Variants in IMMP2L observed in about 807,000 individuals in gnomAD.
IMMP2L encodes inner mitochondrial membrane peptidase subunit 2, also known as mitochondrial inner membrane protease subunit 2.
In IMMP2L, 18 loss-of-function variants were observed where a neutral mutation model predicts 19.3. That is an observed-to-expected ratio of 0.93 (90% CI 0.64 to 1.38). IMMP2L has a LOEUF of 1.38. Among genes scored for constraint, IMMP2L ranks in the 40% most tolerant of loss-of-function variants. The pLI is 0.00. For missense variants in IMMP2L, 233 were observed against 218.2 expected (o/e 1.07, Z -0.43); for synonymous variants, 76 against 73.0 (o/e 1.04, Z -0.21).
rs181216408 is a variant in IMMP2L, at chr7:110,810,776, C to T, written c.408+75817G>A. Among the ~76,000 whole-genome samples the T allele has an allele frequency of 3.3e-5, 5 of 152,088 alleles. No individual in the cohort carries two copies. In the East Asian group the frequency reaches 5.8e-4, roughly 18 times the overall value. ...AGTGATTAATTATAATAAACAATAC[C>T]TGAATTTGTGAAGTAGTTTGTACTG... On this transcript the variant is annotated intron_variant, in intron 5 of 5. Transcript: ENST00000405709.
chr7:111,334,026 G>A (rs10249674), intron 3 of IMMP2L, among the ~76,000 whole-genome samples: 3,958 of 152,052 alleles, frequency 0.026, 176 homozygotes, highest in African/African-American at 0.09. Flanking sequence ...CTTAGGTGAA[G>A]GGGTAAATAC....
intron 3 of IMMP2L, among the ~76,000 whole-genome samples, chr7:111,294,268 T>C (rs191319034): frequency 1.3e-5 from 2 of 152,034 alleles, no homozygotes; most frequent in East Asian, 3.9e-4. Context: ...AGGCATAATT[T>C]ACTTTGAGTT....
chr7:111,454,099 C>T (rs1839467776), intron 3 of IMMP2L, among the ~76,000 whole-genome samples: 2 of 152,078 alleles, frequency 1.3e-5, no homozygotes, highest in South Asian at 2.1e-4. Context: ...GAATTGAAAC[C>T]ATATAAAAAA....
At chr7:111,420,310 T>C (rs989372751) in intron 3 of IMMP2L, among the ~76,000 whole-genome samples, 3 of 151,766 alleles carry the variant, frequency 2.0e-5, no homozygotes, top group Admixed American at 6.6e-5. Flanking sequence ...ACCACACAAA[T>C]TGAGAGATCA....
At chr7:111,137,766 A>G (rs1393265974) in intron 3 of IMMP2L, among the ~76,000 whole-genome samples, 1 of 152,220 alleles carries the variant, frequency 6.6e-6, no homozygotes, top group African/African-American at 2.4e-5. Flanking sequence ...ATGATTTAAG[A>G]AATTATACTT....
At chr7:111,320,408 A>G (rs1022600486) in intron 3 of IMMP2L, among the ~76,000 whole-genome samples, 7 of 152,014 alleles carry the variant, frequency 4.6e-5, no homozygotes, top group Admixed American at 2.6e-4. Context: ...CAGCCCATAT[A>G]ATTTCTGACC....
At chr7:110,868,193 G>A (rs1043174231) in intron 5 of IMMP2L, among the ~76,000 whole-genome samples, 1 of 146,818 alleles carries the variant, frequency 6.8e-6, no homozygotes, top group Non-Finnish European at 1.5e-5. Context: ...TGACGTATTA[G>A]ATGAGCAAGA....
intron 2 of IMMP2L, among the ~76,000 whole-genome samples, chr7:111,511,148 C>G (rs1263283960): frequency 6.6e-6 from 1 of 152,074 alleles, no homozygotes; most frequent in Non-Finnish European, 1.5e-5. Flanking sequence ...AGTCATCCCT[C>G]TTACAACTAA....
Position 110,696,416 on chromosome 7 carries a change from C to G in IMMP2L, c.409-32695G>C, listed in dbSNP as rs1295653930. Among the ~76,000 whole-genome samples the G allele has an allele frequency of 3.9e-5, 5 of 129,438 alleles. No individual in the cohort carries two copies. In the East Asian group the frequency reaches 1.3e-3, roughly 34 times the overall value. 84.9% of individuals were successfully genotyped at this position (129,438 alleles called of 152,430 possible). A position where few individuals can be genotyped will look rare whatever the true frequency, so the allele number is the denominator to read the frequency against. ...GAATAAGTATCTGCACTGAGACATT[C>G]CTTTTTCTCTTTTTTTTTTTTTTTT... is the stretch of plus-strand genomic sequence containing the variant. On this transcript the variant is annotated intron_variant, in intron 5 of 5. Coordinates refer to ENST00000405709, the MANE Select transcript of IMMP2L (RefSeq NM_032549.4).
At chr7:111,199,326 A>C (rs1210041053) in intron 3 of IMMP2L, among the ~76,000 whole-genome samples, 1 of 152,170 alleles carries the variant, frequency 6.6e-6, no homozygotes, top group African/African-American at 2.4e-5. Context: ...ACAACCTGTC[A>C]GTTCCCTGTA....
At chr7:110,860,940 G>T (rs563928399) in intron 5 of IMMP2L, among the ~76,000 whole-genome samples, 1 of 151,982 alleles carries the variant, frequency 6.6e-6, no homozygotes, top group African/African-American at 2.4e-5. Flanking sequence ...GGATAAAAAT[G>T]TATGTAATGA....
chr7:111,249,483 C>T (rs571257483), intron 3 of IMMP2L, among the ~76,000 whole-genome samples: 20 of 151,710 alleles, frequency 1.3e-4, no homozygotes, highest in East Asian at 7.8e-4. Flanking sequence ...CCGTCTTCTG[C>T]GTCGCTCACG....
rs1041772661 is a variant in IMMP2L, at chr7:110,803,015, A to G, written c.408+83578T>C. On this transcript the variant is annotated intron_variant, in intron 5 of 5. Transcript: ENST00000405709. The surrounding 1 kb of genome is among the most constrained non-coding windows in gnomAD (Gnocchi z 4.2). ...TAAAATAGAAATATGCAAAAGAAGT[A>G]GAGATTATAAACACAATTACTAGAA... Among the ~76,000 whole-genome samples the G allele has an allele frequency of 6.6e-6, 1 of 152,164 alleles. No individual in the cohort carries two copies. The highest frequency in any genetic ancestry group is 2.1e-4 in the South Asian group (1 of 4,830).
intron 5 of IMMP2L, among the ~76,000 whole-genome samples, chr7:110,746,394 G>C (rs1411525789): frequency 2.0e-5 from 3 of 152,002 alleles, no homozygotes; most frequent in Non-Finnish European, 2.9e-5. Context: ...CTCAGCTCTG[G>C]ACCAAGCAAA....
rs1386539626 is a variant in IMMP2L, at chr7:111,407,811, T to C, written c.239+79427A>G. On this transcript the variant is annotated intron_variant, in intron 3 of 5. Transcript: ENST00000405709. ...TGAATTTTATGAAATGTAAATTACA[T>C]ATAAATAAAGACATAAAAAAGAAAA... 2.6e-5 allele frequency among the ~76,000 whole-genome samples: 4 copies of C among 152,020 alleles called. 1 individual carries two copies. The highest frequency in any genetic ancestry group is 9.7e-5 in the African/African-American group (4 of 41,418).
At chr7:111,038,743 A>G (rs940540057) in intron 3 of IMMP2L, among the ~76,000 whole-genome samples, 2 of 152,184 alleles carry the variant, frequency 1.3e-5, no homozygotes, top group Admixed American at 6.6e-5. Flanking sequence ...TTTCAAGCCA[A>G]TTTTTTATCT....
intron 3 of IMMP2L, among the ~76,000 whole-genome samples, chr7:111,361,062 T>G (rs2130990560): frequency 6.6e-6 from 1 of 152,156 alleles, no homozygotes; most frequent in East Asian, 1.9e-4. Context: ...TTTAAGAGTT[T>G]AATGAACCAT....
intron 3 of IMMP2L, among the ~76,000 whole-genome samples, chr7:111,144,036 T>C (rs17440519): frequency 0.042 from 6,408 of 152,226 alleles, 199 homozygotes; most frequent in South Asian, 0.08. Context: ...AATAAAATGA[T>C]TGTTTCTGGA....
intron 4 of IMMP2L, among the ~76,000 whole-genome samples, chr7:110,889,446 TC>T (rs1810562809): frequency 6.6e-6 from 1 of 152,094 alleles, no homozygotes; most frequent in Non-Finnish European, 1.5e-5. Flanking sequence ...CATGCGCATT[TC>T]ACAACAGGGT....
Sources: gnomAD v4.1 joint callset for allele counts (sites outside exome capture counted in the v4.1 genomes callset) on GRCh38, gnomAD v4.1.1 for gene constraint, Gnocchi (gnomAD v3.1) non-coding constraint, MANE v1.5 for transcripts, NCBI Gene and HGNC (gene_info 2026-07-23, HGNC 2026-07-21) for gene names.